LMBR1: variants seen among roughly 807,000 people sequenced by gnomAD.
LMBR1 encodes the protein limb region 1 protein homolog.
Under a neutral mutation model 73.9 loss-of-function variants are expected in LMBR1, and 52 were observed. The observed-to-expected ratio is 0.70, with a 90% confidence interval of 0.56 to 0.89. LMBR1 has a LOEUF of 0.89. Ranked by LOEUF, LMBR1 falls within the 40% of genes least tolerant of loss-of-function variation. The pLI is 0.00. For synonymous variants in LMBR1, 215 were observed against 209.4 expected (o/e 1.03, Z -0.23); for missense variants, 539 against 579.8 (o/e 0.93, Z 0.72).
intron 1 of LMBR1, among the ~76,000 whole-genome samples, chr7:156,887,455 C>T (rs796344684): frequency 7.8e-6 from 1 of 129,010 alleles, no homozygotes; most frequent in African/African-American, 3.0e-5. Flanking sequence ...CAGAGTGAGA[C>T]TCCATCTCAA....
chr7:156,829,250 T>C (rs1563472145), intron 3 of LMBR1, among the ~76,000 whole-genome samples: 1 of 152,184 alleles, frequency 6.6e-6, no homozygotes, highest in African/African-American at 2.4e-5. Context: ...AGCGTTCAAT[T>C]TCCTTAGGAT....
In LMBR1 at chr7:156,697,391, G is replaced by A. The variant is rs13328362; in HGVS notation, c.1226-9200C>T. 3.6e-3 allele frequency among the ~76,000 whole-genome samples: 541 copies of A among 152,284 alleles called. 4 individuals are homozygous for A. The highest frequency in any genetic ancestry group is 0.014 in the Middle Eastern group (4 of 294). Reference sequence around the variant, plus strand: ...ACAGAAAACAGGGTTCGAGAGCAGAGAACTGGTCTGACCACAAATTTACCA... The same window carrying A: ...ACAGAAAACAGGGTTCGAGAGCAGAAAACTGGTCTGACCACAAATTTACCA... On this transcript the variant is annotated intron_variant, in intron 15 of 16. Coordinates refer to ENST00000353442, the MANE Select transcript of LMBR1 (RefSeq NM_022458.4).
downstream of LMBR1, chr7:156,676,255 A>AC (rs1473404325): frequency 3.2e-6 from 5 of 1,539,372 alleles, no homozygotes; most frequent in Admixed American, 9.9e-5. Context: ...GTATATATAT[A>AC]TGTATATATA....
intron 9 of LMBR1, among the ~76,000 whole-genome samples, chr7:156,749,247 G>A (rs183247304): frequency 2.6e-5 from 4 of 151,896 alleles, no homozygotes; most frequent in African/African-American, 9.7e-5. Context: ...TAATTTAGAG[G>A]ACAGAAGAGA....
intron 10 of LMBR1, chr7:156,733,869 GAC>G (rs1817335371): frequency 5.2e-6 from 1 of 193,110 alleles, no homozygotes; most frequent in South Asian, 1.7e-4. Context: ...ACAGAAAAAA[GAC>G]ACATTAAAAG....
intron 1 of LMBR1, among the ~76,000 whole-genome samples, chr7:156,887,261 G>A (rs887708069): frequency 2.6e-5 from 4 of 152,024 alleles, no homozygotes; most frequent in African/African-American, 9.7e-5. Flanking sequence ...TCAAGAGATT[G>A]AGACCATTCT....
intron 15 of LMBR1, among the ~76,000 whole-genome samples, chr7:156,704,838 A>C (rs1279897386): frequency 6.6e-6 from 1 of 151,884 alleles, no homozygotes; most frequent in Non-Finnish European, 1.5e-5. Context: ...TCAACAATAG[A>C]CCAATAGAAG....
At chr7:156,830,024 C>T (rs1836394260) in intron 3 of LMBR1, among the ~76,000 whole-genome samples, 1 of 152,220 alleles carries the variant, frequency 6.6e-6, no homozygotes, top group African/African-American at 2.4e-5. Context: ...TTCTGCTCCT[C>T]ACCTAGAGTG....
rs1041109565 is a variant in LMBR1 at position 156,801,390 on chromosome 7, T to C, written c.320-4898A>G. Among the ~76,000 whole-genome samples, 4 of 152,336 alleles carry C rather than the reference T, an allele frequency of 2.6e-5. No individual in the cohort carries two copies. In the East Asian group the frequency reaches 7.7e-4, roughly 29 times the overall value. On this transcript the variant is annotated intron_variant, in intron 4 of 16. Coordinates refer to ENST00000353442, the MANE Select transcript of LMBR1 (RefSeq NM_022458.4). ...CTATTGCACACTTAATAAATGGCATTATAGTGTTAAGTATAATTTTTATAT... is the reference window on the plus strand; with the variant it reads ...CTATTGCACACTTAATAAATGGCATCATAGTGTTAAGTATAATTTTTATAT...
chr7:156,826,511 T>C, intron 4 of LMBR1, 94 bp downstream of exon 4: 1 of 884,872 alleles, frequency 1.1e-6, no homozygotes, highest in Non-Finnish European at 1.6e-6. Context: ...AAGTCACAAA[T>C]TATGAAGAAA....
chr7:156,744,343 C>CTT (rs527479194), intron 9 of LMBR1, among the ~76,000 whole-genome samples: 3 of 144,052 alleles, frequency 2.1e-5, no homozygotes, highest in South Asian at 2.2e-4. Context: ...TTTGTAAGGG[C>CTT]TTTTTTTTTT....
At chr7:156,819,337 T>A (rs1834396379) in intron 4 of LMBR1, among the ~76,000 whole-genome samples, 1 of 152,200 alleles carries the variant, frequency 6.6e-6, no homozygotes, top group African/African-American at 2.4e-5. Flanking sequence ...TAGCCTCTAA[T>A]CCATATGTGA....
intron 15 of LMBR1, among the ~76,000 whole-genome samples, chr7:156,692,268 G>T (rs541650687): frequency 2.3e-4 from 35 of 152,158 alleles, no homozygotes; most frequent in African/African-American, 8.4e-4. Context: ...GTAGAGATGG[G>T]GTTTCACCAT....
At chr7:156,851,027 CATAT>C (rs952007785) in intron 1 of LMBR1, among the ~76,000 whole-genome samples, 34 of 152,044 alleles carry the variant, frequency 2.2e-4, no homozygotes, top group African/African-American at 8.2e-4. Flanking sequence ...TCCCTCTCGC[CATAT>C]GACACCCGCC....
Position 156,881,814 on chromosome 7 carries a change from A to T in LMBR1, c.66+11114T>A, listed in dbSNP as rs1242743792. Among the ~76,000 whole-genome samples, 2 of 152,178 alleles carry T rather than the reference A, an allele frequency of 1.3e-5. 1 individual carries two copies. ...CTGTTAGGATGGCTATGATTAAAAAAAAAAAAAGAAGACGACAAGTGTTGA... is the reference window on the plus strand; with the variant it reads ...CTGTTAGGATGGCTATGATTAAAAATAAAAAAAGAAGACGACAAGTGTTGA... On this transcript the variant is annotated intron_variant, in intron 1 of 16. Coordinates refer to ENST00000353442, the MANE Select transcript of LMBR1 (RefSeq NM_022458.4).
chr7:156,779,617 A>T, intron 5 of LMBR1: 1 of 1,076,408 alleles, frequency 9.3e-7, no homozygotes, highest in Non-Finnish European at 1.2e-6. Flanking sequence ...TTATACATTT[A>T]ATTCACATCA....
intron 9 of LMBR1, among the ~76,000 whole-genome samples, chr7:156,747,476 G>A (rs1820056027): frequency 6.6e-6 from 1 of 151,942 alleles, no homozygotes; most frequent in East Asian, 1.9e-4. Context: ...AAAAGGAGAG[G>A]TACTAAGTAT....
chr7:156,748,797 T>C (rs903682384), intron 9 of LMBR1, among the ~76,000 whole-genome samples: 1 of 152,120 alleles, frequency 6.6e-6, no homozygotes, highest in Non-Finnish European at 1.5e-5. Context: ...CCAATTTGGA[T>C]CATTTTTATA....
intron 1 of LMBR1, among the ~76,000 whole-genome samples, chr7:156,883,149 C>T (rs1563620685): frequency 1.3e-5 from 2 of 152,134 alleles, no homozygotes; most frequent in Admixed American, 1.3e-4. Flanking sequence ...ACCTGTAATC[C>T]CAGCACTTTG....
Sources: allele counts gnomAD v4.1 joint callset (sites outside exome capture counted in the v4.1 genomes callset), GRCh38; gene constraint gnomAD v4.1.1; transcripts MANE v1.5; gene names NCBI Gene and HGNC (gene_info 2026-07-23, HGNC 2026-07-21).